Variants in PID1 observed in about 807,000 individuals in gnomAD.
PID1 encodes the protein phosphotyrosine interaction domain containing 1.
A neutral mutation model predicts 19.1 loss-of-function variants in PID1; 10 were observed. That is an observed-to-expected ratio of 0.52 (90% CI 0.32 to 0.89). The LOEUF (loss-of-function observed/expected upper bound fraction) is 0.89, where lower values mean the gene tolerates loss of function less well. Ranked by LOEUF, PID1 falls within the 40% of genes least tolerant of loss-of-function variation. PID1 has a pLI of 0.03. For missense variants in PID1, 248 were observed against 285.3 expected, an observed-to-expected ratio of 0.87 and a Z score of 0.94; for synonymous variants, 130 against 116.0, an observed-to-expected ratio of 1.12 and a Z score of -0.78.
At chr2:229,215,439 T>A (rs1178184530) in intron 1 of PID1, among the ~76,000 whole-genome samples, 1 of 152,252 alleles carries the variant, frequency 6.6e-6, no homozygotes, top group Non-Finnish European at 1.5e-5. Flanking sequence ...CATTTATTCA[T>A]TTATCTTTTG....
At chr2:229,176,201 T>C (rs1308342428) in intron 1 of PID1, among the ~76,000 whole-genome samples, 1 of 151,100 alleles carries the variant, frequency 6.6e-6, no homozygotes, top group Non-Finnish European at 1.5e-5. Context: ...GATTAGCAAA[T>C]TGAATTATAA....
intron 1 of PID1, among the ~76,000 whole-genome samples, chr2:229,230,215 G>A (rs1338080612): frequency 1.3e-5 from 2 of 152,194 alleles, no homozygotes; most frequent in Admixed American, 1.3e-4. Flanking sequence ...GTATACATGG[G>A]TAAATAAAGG....
At chr2:229,072,203 C>G (rs1694468942) in intron 2 of PID1, among the ~76,000 whole-genome samples, 8 of 152,178 alleles carry the variant, frequency 5.3e-5, no homozygotes. Flanking sequence ...TAATAATCAA[C>G]TAAGAAAATA....
intron 2 of PID1, among the ~76,000 whole-genome samples, chr2:229,134,427 A>G (rs919069424): frequency 3.3e-5 from 5 of 149,978 alleles, no homozygotes; most frequent in African/African-American, 9.8e-5. Flanking sequence ...TATTTTTAGT[A>G]GAGACAGGGT....
At chr2:229,236,379 C>A (rs544026274) in intron 1 of PID1, 22 of 152,242 alleles carry the variant, frequency 1.4e-4, no homozygotes, top group African/African-American at 5.3e-4. Context: ...GCATCCCTTT[C>A]CAGATAGAGT....
intron 2 of PID1, among the ~76,000 whole-genome samples, chr2:229,136,054 A>T (rs182149454): frequency 6.6e-6 from 1 of 152,018 alleles, no homozygotes; most frequent in Non-Finnish European, 1.5e-5. Context: ...TTACAAAAAA[A>T]CTCTGTTGTC....
chr2:229,220,203 T>C (rs996709444), intron 1 of PID1, among the ~76,000 whole-genome samples: 1 of 152,040 alleles, frequency 6.6e-6, no homozygotes, highest in Non-Finnish European at 1.5e-5. Flanking sequence ...ATTTTTTGTA[T>C]AGACAGAGTC....
At chr2:229,076,028 T>C (rs1694550986) in intron 2 of PID1, among the ~76,000 whole-genome samples, 1 of 152,184 alleles carries the variant, frequency 6.6e-6, no homozygotes. Context: ...TGCCATACCA[T>C]TGATCAAAAG....
At chr2:229,135,047 G>A (rs1302577734) in intron 2 of PID1, among the ~76,000 whole-genome samples, 1 of 152,122 alleles carries the variant, frequency 6.6e-6, no homozygotes, top group East Asian at 1.9e-4. Context: ...GAGAGAGAAG[G>A]CAAAAATAAG....
At chr2:229,087,134 A>G (rs978896385) in intron 2 of PID1, among the ~76,000 whole-genome samples, 1 of 152,218 alleles carries the variant, frequency 6.6e-6, no homozygotes, top group South Asian at 2.1e-4. Flanking sequence ...GTAACTGCTT[A>G]TCAAATTACA....
chr2:229,064,868 A>G (rs1410757416), intron 2 of PID1, among the ~76,000 whole-genome samples: 1 of 152,170 alleles, frequency 6.6e-6, no homozygotes, highest in Admixed American at 6.5e-5. Context: ...GAGAGCCCAT[A>G]AATGTAGACT....
At chr2:229,259,056 A>G (rs964234173) in intron 1 of PID1, among the ~76,000 whole-genome samples, 12 of 131,874 alleles carry the variant, frequency 9.1e-5, no homozygotes, top group Admixed American at 5.1e-4. Flanking sequence ...GCAAGGTCGT[A>G]GTTTTTTTTT....
intron 1 of PID1, among the ~76,000 whole-genome samples, chr2:229,246,227 C>T (rs1034767910): frequency 1.6e-4 from 25 of 152,144 alleles, no homozygotes; most frequent in African/African-American, 6.0e-4. Flanking sequence ...GCCAATACAG[C>T]CAGCCTACCA....
chr2:229,165,174 A>G (rs1455240790), intron 1 of PID1, among the ~76,000 whole-genome samples: 1 of 152,230 alleles, frequency 6.6e-6, no homozygotes, highest in African/African-American at 2.4e-5. Context: ...TAAAAGGAAG[A>G]TTCAAAGGAT....
chr2:229,126,792 T>C (rs978037137), intron 2 of PID1, among the ~76,000 whole-genome samples: 5 of 152,248 alleles, frequency 3.3e-5, no homozygotes, highest in Admixed American at 6.5e-5. Context: ...TCACCTCATG[T>C]GTACACTTGT....
At chr2:229,242,742 T>A (rs1389045432) in intron 1 of PID1, among the ~76,000 whole-genome samples, 1 of 152,150 alleles carries the variant, frequency 6.6e-6, no homozygotes, top group Non-Finnish European at 1.5e-5. Context: ...ATCTGAGTCA[T>A]TTGTTACCTA....
chr2:229,245,158 T>C (rs1352144632), intron 1 of PID1: 1 of 152,122 alleles, frequency 6.6e-6, no homozygotes, highest in East Asian at 1.9e-4. Flanking sequence ...GCCCACCTGT[T>C]GTGTGAAACT....
chr2:229,210,946 T>G (rs530672184), intron 1 of PID1, among the ~76,000 whole-genome samples: 2 of 152,324 alleles, frequency 1.3e-5, no homozygotes, highest in Admixed American at 6.5e-5. Context: ...TAATTAAAAT[T>G]TAATCAAGCT....
chr2:229,168,295 T>A (rs960434808), intron 1 of PID1, among the ~76,000 whole-genome samples: 2 of 152,172 alleles, frequency 1.3e-5, no homozygotes, highest in African/African-American at 4.8e-5. Context: ...TTCAATTACA[T>A]ATATTTTAGA....
Sources: gnomAD v4.1 joint callset for allele counts (sites outside exome capture counted in the v4.1 genomes callset) on GRCh38, gnomAD v4.1.1 for gene constraint, MANE v1.5 for transcripts, NCBI Gene and HGNC (gene_info 2026-07-23, HGNC 2026-07-21) for gene names.